Variants in RPS6KC1 observed in about 807,000 individuals in gnomAD.
RPS6KC1 encodes inactive ribosomal protein S6 kinase delta-1.
A neutral mutation model predicts 103.8 loss-of-function variants in RPS6KC1; 54 were observed. The ratio of observed to expected loss-of-function variants is 0.52; its 90% CI spans 0.42 to 0.65. The LOEUF (loss-of-function observed/expected upper bound fraction) is 0.65, where lower values mean the gene tolerates loss of function less well. Among genes scored for constraint, RPS6KC1 ranks in the 30% least tolerant of loss-of-function variants. The probability of loss-of-function intolerance (pLI) is 0.00; values close to 1 mark genes in which losing one functional copy is unlikely to be tolerated. For missense variants in RPS6KC1, 1,151 were observed against 1,253.8 expected, an observed-to-expected ratio of 0.92 and a Z score of 1.24; for synonymous variants, 439 against 438.7, an observed-to-expected ratio of 1.00 and a Z score of -0.01.
chr1:213,666,399 C>T, the RPS6KC1 span, among the ~76,000 whole-genome samples: 61 of 152,242 alleles, frequency 4.0e-4, 2 homozygotes, highest in Admixed American at 3.1e-3. Flanking sequence ...CATCACCTCC[C>T]GCAGTGCAAA....
the RPS6KC1 span, among the ~76,000 whole-genome samples, chr1:213,612,379 G>A: frequency 6.6e-6 from 1 of 152,008 alleles, no homozygotes. Context: ...TGAATTAAAG[G>A]ACTTTAGAAA....
At chr1:213,225,974 A>G (rs2093950866) in intron 8 of RPS6KC1, among the ~76,000 whole-genome samples, 1 of 151,930 alleles carries the variant, frequency 6.6e-6, no homozygotes, top group Non-Finnish European at 1.5e-5. Context: ...CTGTAATCCC[A>G]GCACTTTGGG....
At chr1:213,311,780 A>T in the RPS6KC1 span, among the ~76,000 whole-genome samples, 2 of 152,076 alleles carry the variant, frequency 1.3e-5, no homozygotes, top group Admixed American at 1.3e-4. Flanking sequence ...ATTATCAATT[A>T]GCACTGGAGA....
the RPS6KC1 span, among the ~76,000 whole-genome samples, chr1:213,491,133 T>A: frequency 6.6e-6 from 1 of 152,164 alleles, no homozygotes; most frequent in East Asian, 1.9e-4. Flanking sequence ...AACGCTACTC[T>A]TATCTGGAAC....
the RPS6KC1 span, among the ~76,000 whole-genome samples, chr1:213,848,577 T>C: frequency 6.6e-6 from 1 of 152,086 alleles, no homozygotes; most frequent in Non-Finnish European, 1.5e-5. Flanking sequence ...TTTTAAAAAC[T>C]GTTATATACC....
At chr1:213,787,627 T>C in the RPS6KC1 span, among the ~76,000 whole-genome samples, 7 of 152,102 alleles carry the variant, frequency 4.6e-5, no homozygotes, top group Non-Finnish European at 2.9e-5. Flanking sequence ...AACTCGGTGA[T>C]CTGGTTGATA....
chr1:213,368,583 G>A, the RPS6KC1 span, among the ~76,000 whole-genome samples: 1 of 152,222 alleles, frequency 6.6e-6, no homozygotes, highest in Admixed American at 6.5e-5. Context: ...GACCCTTGCT[G>A]TGCATTGTTA....
the RPS6KC1 span, among the ~76,000 whole-genome samples, chr1:213,415,973 A>G: frequency 6.6e-5 from 10 of 152,220 alleles, no homozygotes; most frequent in Admixed American, 6.5e-4. Context: ...CAACCTGGAA[A>G]TTGACGGAGA....
the RPS6KC1 span, among the ~76,000 whole-genome samples, chr1:213,830,514 T>C: frequency 6.6e-6 from 1 of 152,234 alleles, no homozygotes; most frequent in South Asian, 2.1e-4. Context: ...CCTTCATTGC[T>C]AATCCCGGTA....
the RPS6KC1 span, among the ~76,000 whole-genome samples, chr1:213,564,397 C>A: frequency 6.6e-6 from 1 of 152,106 alleles, no homozygotes; most frequent in South Asian, 2.1e-4. Context: ...TTAGGTTCTG[C>A]CAATAGAGGG....
the RPS6KC1 span, among the ~76,000 whole-genome samples, chr1:213,578,338 G>A: frequency 6.6e-6 from 1 of 152,266 alleles, no homozygotes. Context: ...CAGTTTGGAA[G>A]GGAACTGTGA....
intron 8 of RPS6KC1, among the ~76,000 whole-genome samples, chr1:213,222,848 G>T (rs1187197086): frequency 6.6e-6 from 1 of 152,148 alleles, no homozygotes; most frequent in Non-Finnish European, 1.5e-5. Flanking sequence ...TAGGTTTGTT[G>T]TTCAAATCCA....
chr1:213,457,797 C>G, the RPS6KC1 span, among the ~76,000 whole-genome samples: 1 of 152,276 alleles, frequency 6.6e-6, no homozygotes, highest in South Asian at 2.1e-4. Context: ...ATGCAACAGA[C>G]TCTTGACATA....
intron 3 of RPS6KC1, 149 bp downstream of exon 3, chr1:213,077,965 T>C (rs1307751041): frequency 7.1e-6 from 3 of 425,274 alleles, no homozygotes; most frequent in African/African-American, 6.2e-5. Flanking sequence ...TTGTCTTTTC[T>C]TGTTCTTGTT....
At chr1:213,818,652 C>G in the RPS6KC1 span, 1 of 152,180 alleles carries the variant, frequency 6.6e-6, no homozygotes, top group East Asian at 1.9e-4. Flanking sequence ...AGAGAACATT[C>G]AATAATTCTG....
the RPS6KC1 span, chr1:213,840,705 G>A: frequency 3.3e-5 from 5 of 151,954 alleles, no homozygotes; most frequent in African/African-American, 1.2e-4. Context: ...AGAAACAGAT[G>A]TTTGCATTAA....
chr1:213,426,537 G>A, the RPS6KC1 span, among the ~76,000 whole-genome samples: 1 of 152,130 alleles, frequency 6.6e-6, no homozygotes, highest in Admixed American at 6.5e-5. Context: ...AAAGGATTAT[G>A]ACTAAAATTT....
the RPS6KC1 span, among the ~76,000 whole-genome samples, chr1:213,608,999 G>A: frequency 6.6e-6 from 1 of 152,018 alleles, no homozygotes; most frequent in African/African-American, 2.4e-5. Context: ...TAATGAATGT[G>A]GGATTACTAA....
At chr1:213,582,635 G>A in the RPS6KC1 span, among the ~76,000 whole-genome samples, 1 of 152,348 alleles carries the variant, frequency 6.6e-6, no homozygotes, top group South Asian at 2.1e-4. Context: ...GTTTTGGGGT[G>A]AAAGGCACAG....
Sources: gnomAD v4.1 joint callset for allele counts (sites outside exome capture counted in the v4.1 genomes callset) on GRCh38, gnomAD v4.1.1 for gene constraint, MANE v1.5 for transcripts, NCBI Gene and HGNC (gene_info 2026-07-23, HGNC 2026-07-21) for gene names.